PRELID2: variants seen among roughly 807,000 people sequenced by gnomAD.
PRELID2 encodes PRELI domain containing 2.
PRELID2 carries 25 observed loss-of-function variants against 28.4 expected under a neutral mutation model. That is an observed-to-expected ratio of 0.88 (90% confidence interval 0.64 to 1.23). PRELID2 has a LOEUF of 1.23. PRELID2 is among the 50% of genes most tolerant of loss of function. The pLI is 0.00. For missense variants in PRELID2, 201 were observed against 214.4 expected (o/e 0.94, Z 0.39); for synonymous variants, 76 against 71.6 (o/e 1.06, Z -0.31).
At chr5:145,253,753 T>C in the PRELID2 span, among the ~76,000 whole-genome samples, 4 of 152,028 alleles carry the variant, frequency 2.6e-5, no homozygotes, top group South Asian at 2.1e-4. Context: ...AACGCAGTTA[T>C]TCCTCCAGAG....
chr5:145,342,914 A>C, the PRELID2 span, among the ~76,000 whole-genome samples: 2,303 of 151,542 alleles, frequency 0.015, 56 homozygotes, highest in African/African-American at 0.052. Context: ...AAAAAAAAAA[A>C]AAAAGACAAA....
At chr5:145,741,181 A>G (rs1206369548) in intron 1 of PRELID2, among the ~76,000 whole-genome samples, 1 of 105,286 alleles carries the variant, frequency 9.5e-6, no homozygotes, top group African/African-American at 3.8e-5. Flanking sequence ...TTTTATTTAT[A>G]TATAATATAT....
At chr5:145,802,965 G>T (rs1352216288) in intron 4 of PRELID2, among the ~76,000 whole-genome samples, 1 of 152,170 alleles carries the variant, frequency 6.6e-6, no homozygotes, top group Non-Finnish European at 1.5e-5. Context: ...CTCTTAATGA[G>T]ATCCTGTCCT....
chr5:145,650,666 T>C (rs1259191189), intron 1 of PRELID2, among the ~76,000 whole-genome samples: 1 of 150,512 alleles, frequency 6.6e-6, no homozygotes, highest in Non-Finnish European at 1.5e-5. Flanking sequence ...AAAGTAATTT[T>C]ACTTATATTC....
the PRELID2 span, among the ~76,000 whole-genome samples, chr5:145,339,042 T>C: frequency 1.3e-5 from 2 of 152,192 alleles, no homozygotes. Flanking sequence ...GGTTGGATTA[T>C]ATAGCTGCCT....
intron 1 of PRELID2, among the ~76,000 whole-genome samples, chr5:145,667,887 T>C (rs1281994219): frequency 2.6e-5 from 4 of 152,142 alleles, no homozygotes; most frequent in Admixed American, 2.0e-4. Flanking sequence ...TGTATGTGGC[T>C]ATAGCAGAAT....
chr5:145,334,581 C>T, the PRELID2 span, among the ~76,000 whole-genome samples: 39,192 of 151,944 alleles, frequency 0.26, 5,522 homozygotes, highest in African/African-American at 0.38. Context: ...ATCAGTGAAC[C>T]TAATACTCCC....
At chr5:145,716,906 C>A (rs1048875947) in intron 1 of PRELID2, among the ~76,000 whole-genome samples, 1 of 152,102 alleles carries the variant, frequency 6.6e-6, no homozygotes, top group Non-Finnish European at 1.5e-5. Flanking sequence ...AAGGCACTTG[C>A]ACCTGCACAC....
At chr5:145,403,299 A>C in the PRELID2 span, among the ~76,000 whole-genome samples, 1 of 152,154 alleles carries the variant, frequency 6.6e-6, no homozygotes, top group Non-Finnish European at 1.5e-5. Context: ...GCACTTTGGG[A>C]GACTGAGGTG....
intron 1 of PRELID2, among the ~76,000 whole-genome samples, chr5:145,641,994 T>C (rs1345253129): frequency 3.3e-5 from 5 of 152,204 alleles, no homozygotes; most frequent in South Asian, 2.1e-4. Flanking sequence ...TGTATCTTTA[T>C]AGTAGAATGA....
intron 1 of PRELID2, among the ~76,000 whole-genome samples, chr5:145,740,030 G>C (rs988060695): frequency 3.3e-5 from 5 of 150,556 alleles, no homozygotes; most frequent in Non-Finnish European, 7.4e-5. Flanking sequence ...CACAAATTAA[G>C]TCATAAACTG....
the PRELID2 span, among the ~76,000 whole-genome samples, chr5:145,331,697 C>T: frequency 9.2e-5 from 14 of 152,086 alleles, no homozygotes; most frequent in Non-Finnish European, 7.4e-5. Flanking sequence ...GAATACAGCA[C>T]ACTGATGGGT....
At position 145,807,987 on chromosome 5, in the gene PRELID2, C is replaced by T. The variant is rs140541549; in HGVS notation, c.368+9907G>A. On this transcript the variant is annotated intron_variant, in intron 4 of 6. Transcript: ENST00000683046. ...CTTTTGGAGGGCAGTCTTATTAAGC[C>T]AAAAATAAAGCTCCAGCCCAGATCA... is the stretch of plus-strand genomic sequence containing the variant. Among the ~76,000 whole-genome samples, 336 of 152,152 alleles carry T rather than the reference C, an allele frequency of 2.2e-3. 18 individuals are homozygous for T. The East Asian group carries it at 0.053, about 24-fold the overall frequency.
chr5:145,764,834 G>C (rs1226139638), intron 6 of PRELID2, 97 bp downstream of exon 6: 1 of 805,648 alleles, frequency 1.2e-6, no homozygotes, highest in Non-Finnish European at 2.2e-6. Flanking sequence ...GAAATGTGCA[G>C]CGTGAATAGC....
chr5:145,683,255 T>C (rs1473905987), intron 1 of PRELID2, among the ~76,000 whole-genome samples: 3 of 152,132 alleles, frequency 2.0e-5, no homozygotes, highest in African/African-American at 4.8e-5. Flanking sequence ...ATAAGGATAA[T>C]ACCTAGATAG....
At chr5:145,426,388 A>G in the PRELID2 span, among the ~76,000 whole-genome samples, 1 of 152,194 alleles carries the variant, frequency 6.6e-6, no homozygotes, top group Non-Finnish European at 1.5e-5. Flanking sequence ...ACTGACTTTC[A>G]GCTACATCTT....
intron 1 of PRELID2, among the ~76,000 whole-genome samples, chr5:145,741,517 A>G (rs1268811911): frequency 2.5e-5 from 3 of 121,200 alleles, no homozygotes; most frequent in Non-Finnish European, 4.8e-5. Flanking sequence ...ATTTATAAAT[A>G]ATTTATTTAT....
At chr5:145,369,780 T>A in the PRELID2 span, among the ~76,000 whole-genome samples, 4 of 151,978 alleles carry the variant, frequency 2.6e-5, no homozygotes, top group Non-Finnish European at 5.9e-5. Context: ...CTCACCAGCA[T>A]CTATTGTTTC....
chr5:145,271,035 C>T, the PRELID2 span, among the ~76,000 whole-genome samples: 8 of 151,996 alleles, frequency 5.3e-5, no homozygotes, highest in Non-Finnish European at 7.4e-5. Context: ...GAGGAGCAAA[C>T]GGGAAAGAGC....
Sources: allele counts gnomAD v4.1 joint callset (sites outside exome capture counted in the v4.1 genomes callset), GRCh38; gene constraint gnomAD v4.1.1; transcripts MANE v1.5; gene names NCBI Gene and HGNC (gene_info 2026-07-23, HGNC 2026-07-21).